Variants in AKAP6 observed in about 807,000 individuals in gnomAD.
AKAP6 encodes the protein A-kinase anchor protein 6.
A neutral mutation model predicts 188.5 loss-of-function variants in AKAP6; 58 were observed. The ratio of observed to expected loss-of-function variants is 0.31; its 90% CI spans 0.25 to 0.38. AKAP6 has a LOEUF of 0.38. Among genes scored for constraint, AKAP6 ranks in the 10% least tolerant of loss-of-function variants. AKAP6 has a pLI of 1.00. For missense variants in AKAP6, 2,710 were observed against 2,740.0 expected (o/e 0.99, Z 0.24); for synonymous variants, 989 against 998.6 (o/e 0.99, Z 0.18).
At chr14:32,572,755 C>T (rs559297731) in intron 4 of AKAP6, among the ~76,000 whole-genome samples, 7 of 152,192 alleles carry the variant, frequency 4.6e-5, no homozygotes, top group Non-Finnish European at 1.0e-4. Flanking sequence ...TGTACTTTCA[C>T]GGTGCTTCTT....
chr14:32,653,531 A>T (rs996210394), intron 7 of AKAP6, among the ~76,000 whole-genome samples: 8 of 152,070 alleles, frequency 5.3e-5, no homozygotes, highest in Middle Eastern at 3.2e-3. Context: ...CCATGATTGT[A>T]AGTTTCCTGA....
In AKAP6 at chr14:32,837,362, C is replaced by T. The variant is rs942095279; in HGVS notation, c.*7557C>T. 6 of 152,072 alleles carry T rather than the reference C, an allele frequency of 3.9e-5. No homozygotes were observed. The highest frequency in any genetic ancestry group is 5.9e-5 in the Non-Finnish European group (4 of 68,018). The allele number at this position is 152,072 out of a possible 1,614,324, so 9.4% of individuals were successfully genotyped here. On this transcript the variant is annotated 3_prime_UTR_variant, in exon 14 of 14. Transcript: ENST00000280979. ...CTATAAACAAATGGGCCATTACAGA[C>T]GTAAAACAAATATTATTCAGTGAAA...
intron 2 of AKAP6, among the ~76,000 whole-genome samples, chr14:32,492,365 G>T (rs1276152319): frequency 5.0e-3 from 438 of 86,934 alleles, no homozygotes; most frequent in African/African-American, 1.0e-2. Flanking sequence ...TAGAGAGAGA[G>T]AGAGAGAGAG....
At chr14:32,751,692 T>C (rs2032147824) in intron 11 of AKAP6, among the ~76,000 whole-genome samples, 1 of 152,148 alleles carries the variant, frequency 6.6e-6, no homozygotes, top group South Asian at 2.1e-4. Context: ...AAAATCTATT[T>C]TTATTTTTGT....
intron 7 of AKAP6, among the ~76,000 whole-genome samples, chr14:32,677,830 A>G (rs1185655125): frequency 6.6e-6 from 1 of 152,258 alleles, no homozygotes; most frequent in African/African-American, 2.4e-5. Context: ...CAAAAAATGT[A>G]GTAAAGTCTA....
chr14:32,666,211 A>G (rs994925823), intron 7 of AKAP6, among the ~76,000 whole-genome samples: 1 of 152,086 alleles, frequency 6.6e-6, no homozygotes, highest in African/African-American at 2.4e-5. Flanking sequence ...AAGTTTTAAA[A>G]TGGCTAATCT....
chr14:32,732,511 G>T lies in AKAP6; in HGVS notation c.3058G>T (p.Val1020Phe). Residue 1020 changes from valine (V) to phenylalanine (F), a missense_variant, in exon 10 of 14, where the codon GTT becomes TTT. Transcript: ENST00000280979. ...HLKKTELLSK[V>F]EALKKGGVLL... ...GAAAAAGACGGAGCTGCTTAGTAAGGTTGAAGCTTTGAAGAAAGGTGGCGT... is the reference window on the plus strand; with the variant it reads ...GAAAAAGACGGAGCTGCTTAGTAAGTTTGAAGCTTTGAAGAAAGGTGGCGT... The T allele has an allele frequency of 6.2e-7, 1 of 1,613,494 alleles. No individual in the cohort carries two copies. The highest frequency in any genetic ancestry group is 8.5e-7 in the Non-Finnish European group (1 of 1,179,628).
intron 9 of AKAP6, chr14:32,718,186 T>C (rs1013240009): frequency 5.0e-6 from 3 of 603,832 alleles, no homozygotes; most frequent in African/African-American, 2.0e-5. Flanking sequence ...TTAGCTTCTA[T>C]GTATCAATTT....
intron 2 of AKAP6, among the ~76,000 whole-genome samples, chr14:32,532,013 G>T (rs1594716115): frequency 6.6e-6 from 1 of 152,176 alleles, no homozygotes; most frequent in Admixed American, 6.5e-5. Flanking sequence ...GAGTGGGATT[G>T]CTGGGTCATA....
intron 1 of AKAP6, among the ~76,000 whole-genome samples, chr14:32,389,542 A>G (rs1239602354): frequency 6.6e-6 from 1 of 151,902 alleles, no homozygotes; most frequent in Admixed American, 6.6e-5. Context: ...GGTGGTTGGT[A>G]TTGGTGAATT....
chr14:32,547,043 T>G (rs1883231927), intron 4 of AKAP6, 44 bp downstream of exon 4: 1 of 1,529,456 alleles, frequency 6.5e-7, no homozygotes, highest in African/African-American at 1.4e-5. Context: ...ACTTGAGTTT[T>G]GGAAGTATTG....
At chr14:32,784,044 G>A (rs2033329998) in intron 12 of AKAP6, among the ~76,000 whole-genome samples, 1 of 152,114 alleles carries the variant, frequency 6.6e-6, no homozygotes, top group Non-Finnish European at 1.5e-5. Flanking sequence ...TATCACATGT[G>A]ACATATGGAG....
At chr14:32,575,522 A>G (rs1884675369) in intron 4 of AKAP6, among the ~76,000 whole-genome samples, 1 of 152,150 alleles carries the variant, frequency 6.6e-6, no homozygotes, top group South Asian at 2.1e-4. Context: ...ACTACCATAT[A>G]GTTCCCAGCT....
At position 32,342,982 on chromosome 14, in the gene AKAP6, T is replaced by C. The variant is rs77017301; in HGVS notation, c.-35+13574T>C. On this transcript the variant is annotated intron_variant, in intron 1 of 13. Coordinates refer to ENST00000280979, the MANE Select transcript of AKAP6 (RefSeq NM_004274.5). The stretch of plus-strand genomic sequence containing the variant: ...TCCATGGCCTACAACCCTGGCATTG[T>C]TATGCACACTAATGTTCACAATAGA... 3.5e-3 allele frequency among the ~76,000 whole-genome samples: 535 copies of C among 152,300 alleles called. 20 individuals are homozygous for C. The East Asian group carries it at 0.09, about 26-fold the overall frequency.
chr14:32,398,780 TTCTCTC>T (rs55959454), intron 1 of AKAP6, among the ~76,000 whole-genome samples: 6 of 131,282 alleles, frequency 4.6e-5, no homozygotes, highest in African/African-American at 6.1e-5. Context: ...TTCTTTTCTT[TTCTCTC>T]TCTCTCTCTC....
intron 4 of AKAP6, among the ~76,000 whole-genome samples, chr14:32,548,093 CTTTTTTTT>C (rs71115082): frequency 1.9e-5 from 2 of 104,236 alleles, no homozygotes; most frequent in African/African-American, 7.4e-5. Context: ...CTCCCACATG[CTTTTTTTT>C]TTTTTTTTTT....
intron 1 of AKAP6, among the ~76,000 whole-genome samples, chr14:32,374,236 C>T (rs564780326): frequency 1.7e-4 from 22 of 127,308 alleles, no homozygotes; most frequent in African/African-American, 5.2e-4. Flanking sequence ...AAAACACATA[C>T]GTAAGTATTA....
At chr14:32,629,968 G>A (rs138433461) in intron 7 of AKAP6, among the ~76,000 whole-genome samples, 4 of 152,042 alleles carry the variant, frequency 2.6e-5, no homozygotes, top group Admixed American at 6.6e-5. Flanking sequence ...TTACTAAAGC[G>A]TTAGTTTGGA....
chr14:32,599,780 A>T (rs1226630071), intron 6 of AKAP6, among the ~76,000 whole-genome samples: 3 of 152,162 alleles, frequency 2.0e-5, no homozygotes, highest in African/African-American at 7.2e-5. Flanking sequence ...AAAACTTCAC[A>T]TTGACATGCT....
Sources: gnomAD v4.1 joint callset for allele counts (sites outside exome capture counted in the v4.1 genomes callset) on GRCh38, gnomAD v4.1.1 for gene constraint, MANE v1.5 for transcripts, NCBI Gene and HGNC (gene_info 2026-07-23, HGNC 2026-07-21) for gene names.